Variants in BICD1 observed in about 807,000 individuals in gnomAD.
BICD1 encodes the protein BICD cargo adaptor 1.
In BICD1, 35 loss-of-function variants were observed where a neutral mutation model predicts 92.5. The observed-to-expected ratio is 0.38, with a 90% CI of 0.29 to 0.50. BICD1 has a LOEUF of 0.50. BICD1 is among the 20% of genes least tolerant of loss of function. BICD1 has a pLI of 0.93. For missense variants in BICD1, 950 were observed against 1,189.8 expected (o/e 0.80, Z 2.97); for synonymous variants, 429 against 465.1 (o/e 0.92, Z 1.00).
At chr12:32,170,488 C>A (rs1943904008) in intron 1 of BICD1, among the ~76,000 whole-genome samples, 1 of 152,164 alleles carries the variant, frequency 6.6e-6, no homozygotes, top group Non-Finnish European at 1.5e-5. Flanking sequence ...ATTATTTAGT[C>A]ATTTCTCTGC....
chr12:32,198,191 G>A (rs943149072), intron 1 of BICD1, among the ~76,000 whole-genome samples: 1 of 151,248 alleles, frequency 6.6e-6, no homozygotes, highest in African/African-American at 2.4e-5. Context: ...GGCATCAAGA[G>A]CAAAACTTCG....
In BICD1 at chr12:32,379,082, A is replaced by G. The variant is rs1036979183; in HGVS notation, c.*1455A>G. 6.6e-6 allele frequency: 1 copy of G among 152,228 alleles called. No homozygotes were observed. The highest frequency in any genetic ancestry group is 1.5e-5 in the Non-Finnish European group (1 of 68,034). 9.4% of individuals were successfully genotyped at this position (152,228 alleles called of 1,614,324 possible). On this transcript the variant is annotated 3_prime_UTR_variant, in exon 10 of 10. Transcript: ENST00000652176. ...AGGTAGCCTTAACTTATTTAAAACC[A>G]TAAGGGTTTGACCTTTTCATATAAA...
intron 1 of BICD1, among the ~76,000 whole-genome samples, chr12:32,165,682 CAAAAAAAAA>C (rs35023796): frequency 7.8e-6 from 1 of 128,112 alleles, no homozygotes; most frequent in Non-Finnish European, 1.7e-5. Context: ...GACTCTGTCT[CAAAAAAAAA>C]AAAAAAAAAG....
At chr12:32,339,857 A>G (rs909373532) in intron 8 of BICD1, 42 of 966,066 alleles carry the variant, frequency 4.3e-5, no homozygotes, top group Non-Finnish European at 5.2e-5. Context: ...TTTTATATGA[A>G]CATCAGTATT....
In BICD1 at chr12:32,209,353, A is replaced by C. The variant is rs75775026; in HGVS notation, c.214-6894A>C. 3.3e-5 allele frequency among the ~76,000 whole-genome samples: 5 copies of C among 152,372 alleles called. No homozygotes were observed. The East Asian group carries it at 9.6e-4, about 29-fold the overall frequency. Reference sequence around the variant, plus strand: ...CAATGGGATAAACACAAAAAAATGCAGAACAATGTAGAGAAAACAGAGATA... The same window carrying C: ...CAATGGGATAAACACAAAAAAATGCCGAACAATGTAGAGAAAACAGAGATA... On this transcript the variant is annotated intron_variant, in intron 1 of 9. Transcript: ENST00000652176.
chr12:32,262,096 G>A lies in BICD1; in HGVS notation c.427-31898G>A, dbSNP rs192267164. Among the ~76,000 whole-genome samples, 28 of 152,304 alleles carry A rather than the reference G, an allele frequency of 1.8e-4. No individual in the cohort carries two copies. The East Asian group carries it at 4.6e-3, about 25-fold the overall frequency. ...ACAAGGTTATTTATGCTTGTTATAT[G>A]CTTTATGTGCATTACCTATAAATGT... On this transcript the variant is annotated intron_variant, in intron 2 of 9. Coordinates refer to ENST00000652176, the MANE Select transcript of BICD1 (RefSeq NM_001714.4).
At position 32,383,016 on chromosome 12, in the gene BICD1, T is replaced by C. The variant is rs188708620; in HGVS notation, c.*5389T>C. The C allele has an allele frequency of 6.7e-6, 1 of 148,292 alleles. No individual in the cohort carries two copies. Among genetic ancestry groups the C allele is most frequent in the South Asian group, 2.1e-4 (1 of 4,770 alleles). 9.2% of individuals were successfully genotyped at this position (148,292 alleles called of 1,614,324 possible). On this transcript the variant is annotated 3_prime_UTR_variant, in exon 10 of 10. Transcript: ENST00000652176. ...ACAATTACTATTTGAAAATCTCTTA[T>C]GACATTTTTATAATCTACTCTGTTT...
intron 2 of BICD1, among the ~76,000 whole-genome samples, chr12:32,247,986 G>T (rs967961813): frequency 1.3e-5 from 2 of 151,174 alleles, no homozygotes; most frequent in Admixed American, 1.3e-4. Context: ...GGGAGGCTGA[G>T]GCAGGAGAAT....
At chr12:32,138,378 C>T (rs1942801360) in intron 1 of BICD1, among the ~76,000 whole-genome samples, 1 of 152,126 alleles carries the variant, frequency 6.6e-6, no homozygotes, top group Admixed American at 6.5e-5. Context: ...TTCAGACTCA[C>T]CAAGCTGTGC....
chr12:32,215,700 A>G (rs1333840545), intron 1 of BICD1, among the ~76,000 whole-genome samples: 2 of 152,124 alleles, frequency 1.3e-5, no homozygotes, highest in Non-Finnish European at 2.9e-5. Flanking sequence ...CTGTAATCCC[A>G]GAACTTTGGG....
intron 8 of BICD1, among the ~76,000 whole-genome samples, chr12:32,367,335 A>G (rs1306139753): frequency 2.0e-5 from 3 of 152,208 alleles, no homozygotes; most frequent in African/African-American, 7.2e-5. Flanking sequence ...ATTCAGGTTT[A>G]GAATTGGAAG....
At position 32,148,962 on chromosome 12, in the gene BICD1, G is replaced by A. The variant is rs999610303; in HGVS notation, c.213+41418G>A. 4.0e-5 allele frequency among the ~76,000 whole-genome samples: 6 copies of A among 151,866 alleles called. No homozygotes were observed. In the East Asian group the frequency reaches 1.2e-3, roughly 29 times the overall value. ...TTGAACCCGGGAGGTAGAGGTTACA[G>A]TGAGCCGAGATCACGTCACTGTACT... On this transcript the variant is annotated intron_variant, in intron 1 of 9. Coordinates refer to ENST00000652176, the MANE Select transcript of BICD1 (RefSeq NM_001714.4).
intron 1 of BICD1, among the ~76,000 whole-genome samples, chr12:32,120,985 T>TA (rs1471951338): frequency 1.3e-5 from 2 of 151,330 alleles, no homozygotes; most frequent in Admixed American, 6.6e-5. Flanking sequence ...TTTTTTTTTT[T>TA]TGAGACGGAG....
intron 1 of BICD1, among the ~76,000 whole-genome samples, chr12:32,110,809 G>A (rs1395247758): frequency 1.4e-5 from 2 of 146,212 alleles, no homozygotes; most frequent in African/African-American, 5.1e-5. Context: ...GACACAGGAA[G>A]GGGAACATCA....
At chr12:32,169,662 T>C (rs1943877625) in intron 1 of BICD1, among the ~76,000 whole-genome samples, 1 of 152,212 alleles carries the variant, frequency 6.6e-6, no homozygotes, top group Non-Finnish European at 1.5e-5. Flanking sequence ...TGAAAAATTA[T>C]TTCTGTAGGA....
chr12:32,264,597 C>T (rs1288992060), intron 2 of BICD1, among the ~76,000 whole-genome samples: 1 of 152,140 alleles, frequency 6.6e-6, no homozygotes, highest in Non-Finnish European at 1.5e-5. Flanking sequence ...AAGCAATTCT[C>T]CTGCCTCAGC....
chr12:32,127,964 C>T (rs973889979), intron 1 of BICD1, among the ~76,000 whole-genome samples: 1 of 148,600 alleles, frequency 6.7e-6, no homozygotes, highest in Non-Finnish European at 1.5e-5. Flanking sequence ...AGTGCAGTGG[C>T]GCGATCTCAG....
At chr12:32,194,863 C>T (rs1483072712) in intron 1 of BICD1, among the ~76,000 whole-genome samples, 1 of 151,684 alleles carries the variant, frequency 6.6e-6, no homozygotes. Context: ...GCCTGGGCAA[C>T]AAGAGCAAAA....
intron 3 of BICD1, among the ~76,000 whole-genome samples, chr12:32,297,625 T>TG (rs1359546522): frequency 3.9e-5 from 6 of 152,226 alleles, no homozygotes; most frequent in Non-Finnish European, 8.8e-5. Context: ...CCCAATACGT[T>TG]GTATAGTCCT....
Sources: gnomAD v4.1 joint callset for allele counts (sites outside exome capture counted in the v4.1 genomes callset) on GRCh38, gnomAD v4.1.1 for gene constraint, MANE v1.5 for transcripts, NCBI Gene and HGNC (gene_info 2026-07-23, HGNC 2026-07-21) for gene names.